The following TMEM161B variants were observed in gnomAD, a reference collection of about 807,000 sequenced individuals.
TMEM161B encodes transmembrane protein 161B.
TMEM161B carries 34 observed loss-of-function variants against 61.8 expected under a neutral mutation model. The observed-to-expected ratio is 0.55, with a 90% CI of 0.42 to 0.73. The LOEUF is 0.73. Among genes scored for constraint, TMEM161B ranks in the 30% least tolerant of loss-of-function variants. TMEM161B has a pLI of 0.00. For missense variants in TMEM161B, 456 were observed against 558.5 expected (o/e 0.82, Z 1.85); for synonymous variants, 167 against 192.8 (o/e 0.87, Z 1.11).
At chr5:88,206,533 T>C in intron 6 of TMEM161B, 34 bp from the exon 7 acceptor site, 1 of 1,465,520 alleles carries the variant, frequency 6.8e-7, no homozygotes, top group Non-Finnish European at 9.3e-7. Context: ...AACAGATTAC[T>C]CTTATCACAA....
chr5:88,224,652 A>G (rs1261115732), intron 4 of TMEM161B, among the ~76,000 whole-genome samples: 1 of 152,212 alleles, frequency 6.6e-6, no homozygotes, highest in African/African-American at 2.4e-5. Flanking sequence ...TACTCTAAAT[A>G]TGGGTAATTC....
chr5:88,215,035 A>AT (rs1428803477), intron 5 of TMEM161B, among the ~76,000 whole-genome samples: 7 of 152,222 alleles, frequency 4.6e-5, no homozygotes, highest in Non-Finnish European at 8.8e-5. Context: ...TATGTCACAT[A>AT]TCAGTGAGGG....
intron 3 of TMEM161B, among the ~76,000 whole-genome samples, chr5:88,227,696 A>T (rs752866953): frequency 6.6e-6 from 1 of 152,196 alleles, no homozygotes; most frequent in Non-Finnish European, 1.5e-5. Flanking sequence ...TATGATATAC[A>T]TGAGAAATAT....
chr5:88,203,169 C>T (rs1254799182), intron 8 of TMEM161B, 94 bp from the exon 9 acceptor site: 3 of 725,204 alleles, frequency 4.1e-6, no homozygotes, highest in African/African-American at 3.5e-5. Flanking sequence ...GAGGTAGGAG[C>T]TTATTTGCAG....
chr5:88,186,483 T>C (rs545553960), downstream of TMEM161B, among the ~76,000 whole-genome samples: 7 of 152,224 alleles, frequency 4.6e-5, no homozygotes, highest in East Asian at 1.9e-4. Flanking sequence ...GTCTCACCCA[T>C]TTCCTAATCT....
intron 4 of TMEM161B, among the ~76,000 whole-genome samples, chr5:88,222,296 T>C (rs543066499): frequency 6.6e-6 from 1 of 152,264 alleles, no homozygotes; most frequent in African/African-American, 2.4e-5. Flanking sequence ...CTCAAACTCC[T>C]GGGCTCAAGC....
At chr5:88,236,452 C>T (rs2112628610) in intron 2 of TMEM161B, among the ~76,000 whole-genome samples, 1 of 152,194 alleles carries the variant, frequency 6.6e-6, no homozygotes, top group South Asian at 2.1e-4. Context: ...GCCAAGCAAA[C>T]TTCAAAACAA....
At chr5:88,228,677 T>C in intron 2 of TMEM161B, 149 bp from the exon 3 acceptor site, 2 of 633,160 alleles carry the variant, frequency 3.2e-6, no homozygotes, top group Non-Finnish European at 5.2e-6. Flanking sequence ...ATACTAACTC[T>C]TAAACTTTAA....
chr5:88,259,333 T>C (rs1755398969), intron 1 of TMEM161B: 1 of 152,174 alleles, frequency 6.6e-6, no homozygotes, highest in Non-Finnish European at 1.5e-5. Context: ...GAAGGCAAGG[T>C]ACTCTACAAG....
Position 88,196,215 on chromosome 5 carries a change from G to GTTAA in TMEM161B, c.1459_1460insTTAA (p.Ala487ValfsTer7). On this transcript the variant is annotated frameshift_variant, in exon 12 of 12. Coordinates refer to ENST00000296595, the MANE Select transcript of TMEM161B (RefSeq NM_153354.5). LOFTEE classifies it high-confidence loss of function. The stretch of plus-strand genomic sequence containing the variant: ...TGCTTTTTTGTTAACTGAGATTCAT[G>GTTAA]CCACAGTCAGATACTGGTGATAGAA... 6.2e-7 allele frequency: 1 copy of GTTAA among 1,602,868 alleles called. No homozygotes were observed. The highest frequency in any genetic ancestry group is 8.5e-7 in the Non-Finnish European group (1 of 1,175,668).
In TMEM161B at chr5:88,247,796, C is replaced by T. The variant is rs577160172; in HGVS notation, c.4-6880G>A. Among the ~76,000 whole-genome samples the T allele has an allele frequency of 3.9e-5, 6 of 152,148 alleles. No individual in the cohort carries two copies. In the South Asian group the frequency reaches 6.2e-4, roughly 16 times the overall value. On this transcript the variant is annotated intron_variant, in intron 1 of 11. Transcript: ENST00000296595. The stretch of plus-strand genomic sequence containing the variant: ...TACCCGGTTACTGATGTATCTGGCA[C>T]CCAGACAATTTCCAACTCAATGCTT...
chr5:88,244,611 G>A (rs1018806056), intron 1 of TMEM161B, among the ~76,000 whole-genome samples: 8 of 139,894 alleles, frequency 5.7e-5, no homozygotes, highest in Admixed American at 4.3e-4. Context: ...GCTTAGGAGT[G>A]CCATAGCTAT....
At chr5:88,205,594 G>C (rs1028921311) in intron 8 of TMEM161B, among the ~76,000 whole-genome samples, 1 of 151,980 alleles carries the variant, frequency 6.6e-6, no homozygotes, top group Non-Finnish European at 1.5e-5. Flanking sequence ...TAACAGGTAA[G>C]ACAAATTTAG....
At chr5:88,230,843 T>C (rs1750868475) in intron 2 of TMEM161B, among the ~76,000 whole-genome samples, 1 of 152,098 alleles carries the variant, frequency 6.6e-6, no homozygotes, top group African/African-American at 2.4e-5. Flanking sequence ...GCTAATGAGG[T>C]AGGTCAAGGT....
Position 88,202,967 on chromosome 5 carries a change from G to C in TMEM161B, c.909C>G (p.Ile303Met), listed in dbSNP as rs969486035. The C allele has an allele frequency of 2.5e-6, 4 of 1,602,252 alleles. No homozygotes were observed. The African/African-American group carries it at 5.4e-5, about 21-fold the overall frequency. ...CCTCAAATGCCCATACTTACAAAGG[G>C]ATACTTTCTTTGCCCAGTGGTGGGT... ...IMNPPLGKES[I>M]PLMTEATFDT... The change falls in exon 9 of 12, where the codon ATC becomes ATG. Residue 303 changes from isoleucine to methionine, a missense_variant. This residue lies in a region of TMEM161B where 367 missense variants were observed against 427.3 expected (regional missense o/e 0.86). Transcript: ENST00000296595.
chr5:88,232,969 A>G (rs889891996), intron 2 of TMEM161B, among the ~76,000 whole-genome samples: 1 of 152,172 alleles, frequency 6.6e-6, no homozygotes, highest in African/African-American at 2.4e-5. Context: ...TACATTTCCT[A>G]TGGGATAACT....
At chr5:88,254,940 A>C (rs112167881) in intron 1 of TMEM161B, among the ~76,000 whole-genome samples, 8 of 152,262 alleles carry the variant, frequency 5.3e-5, no homozygotes, top group African/African-American at 1.7e-4. Context: ...TAAGTGGGTA[A>C]TCAAAAGAAC....
chr5:88,193,619 A>T (rs1749197147), downstream of TMEM161B, among the ~76,000 whole-genome samples: 1 of 152,182 alleles, frequency 6.6e-6, no homozygotes, highest in African/African-American at 2.4e-5. Context: ...GAATTAACAG[A>T]ACTTTAGGAA....
chr5:88,212,327 C>CAAGA (rs1238996808), intron 5 of TMEM161B, among the ~76,000 whole-genome samples: 1 of 152,072 alleles, frequency 6.6e-6, no homozygotes, highest in Non-Finnish European at 1.5e-5. Flanking sequence ...TTTGACAAAT[C>CAAGA]AAGAAAGAAA....
Sources: allele counts gnomAD v4.1 joint callset (sites outside exome capture counted in the v4.1 genomes callset), GRCh38; gene constraint gnomAD v4.1.1; regional missense constraint gnomAD v4.1.1; transcripts MANE v1.5; gene names NCBI Gene and HGNC (gene_info 2026-07-23, HGNC 2026-07-21).